The following NCOA4 variants were observed in gnomAD, a reference collection of about 807,000 sequenced individuals.
The protein encoded by NCOA4 is nuclear receptor coactivator 4, also known as 70 kDa AR-activator.
In NCOA4, 31 loss-of-function variants were observed where a neutral mutation model predicts 69.5. The observed-to-expected ratio is 0.45, with a 90% CI of 0.34 to 0.60. The LOEUF is 0.60. Ranked by LOEUF, NCOA4 falls within the 20% of genes least tolerant of loss-of-function variation. The pLI is 0.02. For synonymous variants in NCOA4, 228 were observed against 252.4 expected (o/e 0.90, Z 0.92); for missense variants, 600 against 719.2 (o/e 0.83, Z 1.90).
chr10:46,015,000 A>G, intron 3 of NCOA4, 58 bp from the exon 4 acceptor site: 1 of 1,585,562 alleles, frequency 6.3e-7, no homozygotes, highest in Non-Finnish European at 8.7e-7. Flanking sequence ...AGATATACTC[A>G]AGTTACCAAA....
chr10:46,013,197 T>G (rs1554922170), intron 6 of NCOA4, among the ~76,000 whole-genome samples, 171 bp from the exon 7 acceptor site: 1 of 152,210 alleles, frequency 6.6e-6, no homozygotes, highest in Non-Finnish European at 1.5e-5. Context: ...TCTCTAGGGC[T>G]CTTCTCAACT....
In NCOA4 at chr10:46,012,869, A is replaced by G; in HGVS notation, c.714+14T>C. 2 of 1,613,718 alleles carry G rather than the reference A, an allele frequency of 1.2e-6. No individual in the cohort carries two copies. Among genetic ancestry groups the G allele is most frequent in the Non-Finnish European group, 1.7e-6 (2 of 1,179,824 alleles). On this transcript the variant is annotated intron_variant, in intron 7 of 9. Transcript: ENST00000581486. ...GCTGTGTCTACTGTAGAAACAATAA[A>G]AGCAGCAACAGACCTGACTGTTCTC...
Position 46,019,581 on chromosome 10 carries a change from G to A in NCOA4, c.-14-2887C>T, listed in dbSNP as rs146651166. 2,396 of 931,810 alleles carry A rather than the reference G, an allele frequency of 2.6e-3. 5 individuals carry two copies. Among genetic ancestry groups the A allele is most frequent in the South Asian group, 5.8e-3 (117 of 20,122 alleles). The allele number at this position is 931,810 out of a possible 1,614,324, so 57.7% of individuals were successfully genotyped here. A position where few individuals can be genotyped will look rare whatever the true frequency, so the allele number is the denominator to read the frequency against. ...CACAATGTCAAAACTCCAGAATTCC[G>A]GAACATACGGGAGACAAACTCAAAT... On this transcript the variant is annotated intron_variant, in intron 1 of 9. Coordinates refer to ENST00000581486, the MANE Select transcript of NCOA4 (RefSeq NM_001145263.2).
At chr10:46,022,748 A>G (rs1181314178) in intron 1 of NCOA4, among the ~76,000 whole-genome samples, 1 of 152,124 alleles carries the variant, frequency 6.6e-6, no homozygotes, top group African/African-American at 2.4e-5. Flanking sequence ...TACAAGCGTG[A>G]GCCACCGCGC....
In NCOA4 at chr10:46,006,393, C is replaced by G; in HGVS notation, c.*199G>C. 1 of 593,964 alleles carries G rather than the reference C, an allele frequency of 1.7e-6. No homozygotes were observed. The highest frequency in any genetic ancestry group is 3.1e-6 in the Non-Finnish European group (1 of 326,714). The allele number at this position is 593,964 out of a possible 1,614,324, so 36.8% of individuals were successfully genotyped here. On this transcript the variant is annotated 3_prime_UTR_variant, in exon 10 of 10. Transcript: ENST00000581486. ...GAAGGAGGGAACTGAATCACCTCAGCATGAATAAACAGCATTTTTCTTTTA... is the reference window on the plus strand; with the variant it reads ...GAAGGAGGGAACTGAATCACCTCAGGATGAATAAACAGCATTTTTCTTTTA...
In NCOA4 at chr10:46,012,963, T is replaced by G. The variant is rs201265426; in HGVS notation, c.634A>C (p.Ser212Arg). The G allele has an allele frequency of 6.2e-7, 1 of 1,614,044 alleles. No homozygotes were observed. Residue 212 changes from serine to arginine, a missense_variant, in exon 7 of 10, where the codon AGT becomes CGT. Ser to Arg is a moderately radical substitution (Grantham distance 110). Coordinates refer to ENST00000581486, the MANE Select transcript of NCOA4 (RefSeq NM_001145263.2). ...SEWLLGSKPA[S>R]GYQAPYIPST... ...GGTATGTAAGGAGCTTGATAACCAC[T>G]GGCAGGTTTGCTTCCAAGGAGCCAT... is the stretch of plus-strand genomic sequence containing the variant.
In NCOA4 at chr10:46,019,370, G is replaced by A. The variant is rs150989008; in HGVS notation, c.-14-2676C>T. On this transcript the variant is annotated intron_variant, in intron 1 of 9. Coordinates refer to ENST00000581486, the MANE Select transcript of NCOA4 (RefSeq NM_001145263.2). ...CGGCTCCGATTTGGAGAGCTGGAGC[G>A]TGATGGGCTGCTTCACTTTGCACTT... 232 of 985,438 alleles carry A rather than the reference G, an allele frequency of 2.4e-4. 1 individual carries two copies. The East Asian group carries it at 7.4e-3, about 31-fold the overall frequency. The allele number at this position is 985,438 out of a possible 1,614,324, so 61.0% of individuals were successfully genotyped here. A position where few individuals can be genotyped will look rare whatever the true frequency, so the allele number is the denominator to read the frequency against.
chr10:46,011,275 T>C lies in NCOA4; in HGVS notation c.715-69A>G, dbSNP rs1839187613. ...ACTGCTTTGGAGATTCTGTCTGCACTTTTTCTTTTTTTGAGACAGTCTCAC... is the reference window on the plus strand; with the variant it reads ...ACTGCTTTGGAGATTCTGTCTGCACCTTTTCTTTTTTTGAGACAGTCTCAC... On this transcript the variant is annotated intron_variant, in intron 7 of 9. Transcript: ENST00000581486. The C allele has an allele frequency of 9.5e-6, 14 of 1,469,714 alleles. No homozygotes were observed. In the South Asian group the frequency reaches 1.1e-4, roughly 12 times the overall value. 91.0% of individuals were successfully genotyped at this position (1,469,714 alleles called of 1,614,324 possible). A position where few individuals can be genotyped will look rare whatever the true frequency, so the allele number is the denominator to read the frequency against.
chr10:46,008,209 C>T (rs1554920273), intron 9 of NCOA4, among the ~76,000 whole-genome samples: 1 of 152,226 alleles, frequency 6.6e-6, no homozygotes, highest in Non-Finnish European at 1.5e-5. Context: ...GTAATTTCAA[C>T]TTTCAAGTAT....
intron 1 of NCOA4, among the ~76,000 whole-genome samples, chr10:46,027,063 G>C (rs1462321443): frequency 6.6e-6 from 1 of 152,130 alleles, no homozygotes. Context: ...CAGGTCAGGA[G>C]ATCAAGACCA....
rs553552437 is a variant in NCOA4 at position 46,011,543 on chromosome 10, G to A, written c.715-337C>T. 4.2e-4 allele frequency among the ~76,000 whole-genome samples: 63 copies of A among 151,744 alleles called. 1 individual carries two copies. The highest frequency in any genetic ancestry group is 1.2e-3 in the Admixed American group (19 of 15,254). ...GCCCACCTCAGCCTCCCAAAGTACT[G>A]GGATTACAGGCGTGAGCCACCACGC... On this transcript the variant is annotated intron_variant, in intron 7 of 9. Coordinates refer to ENST00000581486, the MANE Select transcript of NCOA4 (RefSeq NM_001145263.2).
In NCOA4 at chr10:46,013,534, C is replaced by T. The variant is rs782370293; in HGVS notation, c.570+16G>A. On this transcript the variant is annotated intron_variant, in intron 6 of 9. Transcript: ENST00000581486. ...CAAGTAATGACTCAATTACCAAAAA[C>T]AAAATGATATTTTACCTGCTCTGGC... 2 of 1,582,910 alleles carry T rather than the reference C, an allele frequency of 1.3e-6. No homozygotes were observed. The highest frequency in any genetic ancestry group is 1.7e-6 in the Non-Finnish European group (2 of 1,155,740).
At position 46,023,370 on chromosome 10, in the gene NCOA4, C is replaced by A. The variant is rs996034152; in HGVS notation, c.-14-6676G>T. 19 of 985,558 alleles carry A rather than the reference C, an allele frequency of 1.9e-5. No individual in the cohort carries two copies. In the Admixed American group the frequency reaches 4.9e-4, roughly 25 times the overall value. 61.1% of individuals were successfully genotyped at this position (985,558 alleles called of 1,614,324 possible). A position where few individuals can be genotyped will look rare whatever the true frequency, so the allele number is the denominator to read the frequency against. ...ACCGACTCACCAGCTGCCCGGCAAGCGACAGGCTGCTTTACCCCTGACCCG... is the reference window on the plus strand; with the variant it reads ...ACCGACTCACCAGCTGCCCGGCAAGAGACAGGCTGCTTTACCCCTGACCCG... On this transcript the variant is annotated intron_variant, in intron 1 of 9. Coordinates refer to ENST00000581486, the MANE Select transcript of NCOA4 (RefSeq NM_001145263.2).
intron 1 of NCOA4, chr10:46,019,513 T>C (rs1839749381): frequency 1.0e-6 from 1 of 985,314 alleles, no homozygotes; most frequent in African/African-American, 1.7e-5. Flanking sequence ...CCACAATGCC[T>C]GGCACAGTGT....
chr10:46,014,052 TCTCA>T (rs1405156978), intron 5 of NCOA4, among the ~76,000 whole-genome samples: 3 of 151,062 alleles, frequency 2.0e-5, no homozygotes, highest in Non-Finnish European at 2.9e-5. Context: ...TTAGGCGGAG[TCTCA>T]CTGTTTGTCG....
rs868971195 is a variant in NCOA4 at position 46,023,598 on chromosome 10, T to A, written c.-14-6904A>T. 7.4e-5 allele frequency: 66 copies of A among 897,848 alleles called. No individual in the cohort carries two copies. In the African/African-American group the frequency reaches 1.1e-3, roughly 15 times the overall value. 55.6% of individuals were successfully genotyped at this position (897,848 alleles called of 1,614,324 possible). On this transcript the variant is annotated intron_variant, in intron 1 of 9. Coordinates refer to ENST00000581486, the MANE Select transcript of NCOA4 (RefSeq NM_001145263.2). ...CAGCTCCCTCCCCGCTGGGCCTCCC[T>A]GCTAGACGCCTGCTGCCCCCGCCCG...
rs572994549 is a variant in NCOA4, at chr10:46,014,792, C to G, written c.371+62G>C. The G allele has an allele frequency of 1.1e-4, 146 of 1,384,260 alleles. No homozygotes were observed. The Middle Eastern group carries it at 1.4e-3, about 14-fold the overall frequency. 85.7% of individuals were successfully genotyped at this position (1,384,260 alleles called of 1,614,324 possible). A position where few individuals can be genotyped will look rare whatever the true frequency, so the allele number is the denominator to read the frequency against. On this transcript the variant is annotated intron_variant, in intron 4 of 9. Coordinates refer to ENST00000581486, the MANE Select transcript of NCOA4 (RefSeq NM_001145263.2). ...CACAAGCAATGAGTTACAAAATCGA[C>G]TTTCTTTTAGTATACCAAAGTTCAA...
intron 2 of NCOA4, among the ~76,000 whole-genome samples, chr10:46,016,331 C>A (rs1344470132): frequency 6.6e-6 from 1 of 152,100 alleles, no homozygotes; most frequent in Non-Finnish European, 1.5e-5. Context: ...TAGAATGGCA[C>A]AGGGTTTTCC....
Position 46,006,579 on chromosome 10 carries a change from C to G in NCOA4, c.*13G>C, listed in dbSNP as rs2132303221. 6.2e-7 allele frequency: 1 copy of G among 1,613,988 alleles called. No individual in the cohort carries two copies. The highest frequency in any genetic ancestry group is 1.1e-5 in the South Asian group (1 of 91,078). On this transcript the variant is annotated 3_prime_UTR_variant, in exon 10 of 10. Coordinates refer to ENST00000581486, the MANE Select transcript of NCOA4 (RefSeq NM_001145263.2). ...TAATCAGCAGAAAGGCTGCTCAACT[C>G]TTGTCCATTCCTTCACATCTGTAAA... is the stretch of plus-strand genomic sequence containing the variant.
Sources: gnomAD v4.1 joint callset for allele counts (sites outside exome capture counted in the v4.1 genomes callset) on GRCh38, gnomAD v4.1.1 for gene constraint, MANE v1.5 for transcripts, NCBI Gene and HGNC (gene_info 2026-07-23, HGNC 2026-07-21) for gene names.